The following GPR146 variants were observed in gnomAD, a reference collection of about 807,000 sequenced individuals.
GPR146 encodes G-protein coupled receptor 146.
For synonymous variants in GPR146, 203 were observed against 104.3 expected (o/e 1.95, Z -5.77); for missense variants, 381 against 213.9 (o/e 1.78, Z -4.87).
chr7:1,055,101 C>T (rs878856709), intron 1 of GPR146, among the ~76,000 whole-genome samples: 6 of 152,326 alleles, frequency 3.9e-5, no homozygotes, highest in Admixed American at 6.5e-5. Context: ...GCAGAGGCCA[C>T]GGCCTCCATG....
At chr7:1,057,312 C>T (rs974323749) in intron 1 of GPR146, among the ~76,000 whole-genome samples, 180 bp from the exon 2 acceptor site, 5 of 152,160 alleles carry the variant, frequency 3.3e-5, no homozygotes, top group African/African-American at 9.7e-5. Context: ...CCGGTCACGA[C>T]CCGAGACGGC....
intron 1 of GPR146, among the ~76,000 whole-genome samples, chr7:1,044,937 C>G (rs535012844): frequency 6.6e-6 from 1 of 152,376 alleles, no homozygotes; most frequent in South Asian, 2.1e-4. Flanking sequence ...GGCACAGCGC[C>G]GCCACCGGCT....
At chr7:1,053,744 T>G (rs1014511809) in intron 1 of GPR146, among the ~76,000 whole-genome samples, 1 of 152,150 alleles carries the variant, frequency 6.6e-6, no homozygotes, top group African/African-American at 2.4e-5. Flanking sequence ...GGAGAATCGC[T>G]TGAACCCGGG....
In GPR146 at chr7:1,059,257, A is replaced by G. The variant is rs1310646570; in HGVS notation, c.*740A>G. On this transcript the variant is annotated 3_prime_UTR_variant, in exon 2 of 2. Transcript: ENST00000444847. ...TAAAGAATATAAATAAACAAAAGAA[A>G]GGTGTGTTAGGATTTCTGACTGAAT... is the stretch of plus-strand genomic sequence containing the variant. The G allele has an allele frequency of 6.0e-6, 1 of 166,576 alleles. No homozygotes were observed. Among genetic ancestry groups the G allele is most frequent in the Non-Finnish European group, 1.5e-5 (1 of 68,166 alleles). 10.3% of individuals were successfully genotyped at this position (166,576 alleles called of 1,614,324 possible).
intron 1 of GPR146, among the ~76,000 whole-genome samples, chr7:1,056,990 G>A (rs1378688774): frequency 2.0e-5 from 3 of 152,088 alleles, no homozygotes; most frequent in Non-Finnish European, 4.4e-5. Context: ...CGACCCACAG[G>A]TCACCCTCCC....
rs949503009 is a variant in GPR146, at chr7:1,059,231, C to T, written c.*714C>T. 6.0e-6 allele frequency: 1 copy of T among 167,040 alleles called. No homozygotes were observed. Among genetic ancestry groups the T allele is most frequent in the African/African-American group, 2.4e-5 (1 of 41,454 alleles). The allele number at this position is 167,040 out of a possible 1,614,324, so 10.3% of individuals were successfully genotyped here. ...TCAATTCCTCAAAGTGTGCACAAAA[C>T]TAAAGAATATAAATAAACAAAAGAA... On this transcript the variant is annotated 3_prime_UTR_variant, in exon 2 of 2. Transcript: ENST00000444847.
At position 1,057,521 on chromosome 7, in the gene GPR146, G is replaced by C; in HGVS notation, c.6G>C (p.Trp2Cys). 1 of 769,040 alleles carries C rather than the reference G, an allele frequency of 1.3e-6. No homozygotes were observed. Among genetic ancestry groups the C allele is most frequent in the African/African-American group, 1.7e-5 (1 of 59,188 alleles). 47.6% of individuals were successfully genotyped at this position (769,040 alleles called of 1,614,324 possible). A position where few individuals can be genotyped will look rare whatever the true frequency, so the allele number is the denominator to read the frequency against. Residue 2 changes from tryptophan (W) to cysteine (C), a missense_variant, in exon 2 of 2, where the codon TGG becomes TGC. Trp to Cys is a radical substitution (Grantham distance 215). Coordinates refer to ENST00000444847, the MANE Select transcript of GPR146 (RefSeq NM_001303473.2). The part of the protein sequence containing the change: M[W>C]SCSWFNGTGL... ...GCGGAGCCTCGCCGGCCGCCATGTG[G>C]AGCTGCAGCTGGTTCAACGGCACAG... is the stretch of plus-strand genomic sequence containing the variant.
rs758366243 is a variant in GPR146 at position 1,058,000 on chromosome 7, C to G, written c.485C>G (p.Ser162Trp). The G allele has an allele frequency of 5.2e-6, 4 of 770,140 alleles. No homozygotes were observed. The South Asian group carries it at 5.4e-5, about 10-fold the overall frequency. 47.7% of individuals were successfully genotyped at this position (770,140 alleles called of 1,614,324 possible). A position where few individuals can be genotyped will look rare whatever the true frequency, so the allele number is the denominator to read the frequency against. Residue 162 changes from serine (S) to tryptophan (W), a missense_variant, in exon 2 of 2, where the codon TCG becomes TGG. Physicochemically the swap from Ser to Trp is radical, Grantham distance 177. Transcript: ENST00000444847. ...GGCGCGCTGCTGACCAGCTTCTCCT[C>G]GCTGCTCTTCTACATCTGCAGCCAT... ...WGGALLTSFS[S>W]LLFYICSHVS... is the part of the protein sequence containing the mutation.
At position 1,057,106 on chromosome 7, in the gene GPR146, G is replaced by A. The variant is rs541191803; in HGVS notation, c.-24-386G>A. 9.2e-4 allele frequency among the ~76,000 whole-genome samples: 140 copies of A among 152,192 alleles called. 6 individuals carry two copies. In the South Asian group the frequency reaches 0.026, roughly 28 times the overall value. The stretch of plus-strand genomic sequence containing the variant: ...GTCCACATTGCCTGTCCCTCCCGGC[G>A]CTGGCAAGATGCGAACACCACAGAC... On this transcript the variant is annotated intron_variant, in intron 1 of 1. Coordinates refer to ENST00000444847, the MANE Select transcript of GPR146 (RefSeq NM_001303473.2).
In GPR146 at chr7:1,054,135, C is replaced by T. The variant is rs888801790; in HGVS notation, c.-24-3357C>T. ...ACGTCCCCCAGAGCCCACGGAGCAGCCCGCCCCAGCTGCCTTCCCTCCCAA... is the reference window on the plus strand; with the variant it reads ...ACGTCCCCCAGAGCCCACGGAGCAGTCCGCCCCAGCTGCCTTCCCTCCCAA... On this transcript the variant is annotated intron_variant, in intron 1 of 1. Transcript: ENST00000444847. Among the ~76,000 whole-genome samples the T allele has an allele frequency of 5.3e-5, 8 of 152,340 alleles. No homozygotes were observed. The East Asian group carries it at 1.5e-3, about 29-fold the overall frequency.
At chr7:1,049,947 C>G (rs1359272379) in intron 1 of GPR146, among the ~76,000 whole-genome samples, 1 of 152,158 alleles carries the variant, frequency 6.6e-6, no homozygotes, top group Non-Finnish European at 1.5e-5. Context: ...AGCCAGCAGC[C>G]ACCCCACCCC....
At chr7:1,057,118 C>T (rs983650673) in intron 1 of GPR146, among the ~76,000 whole-genome samples, 3 of 152,182 alleles carry the variant, frequency 2.0e-5, no homozygotes, top group Middle Eastern at 3.4e-3. Flanking sequence ...TGGCAAGATG[C>T]GAACACCACA....
chr7:1,056,717 A>G (rs1325164602), intron 1 of GPR146: 1 of 152,152 alleles, frequency 6.6e-6, no homozygotes, highest in African/African-American at 2.4e-5. Flanking sequence ...GCCTCCGGGC[A>G]TGGGAACGAT....
chr7:1,059,233 A>G lies in GPR146; in HGVS notation c.*716A>G, dbSNP rs1418490374. 6.0e-6 allele frequency: 1 copy of G among 167,072 alleles called. No homozygotes were observed. Among genetic ancestry groups the G allele is most frequent in the Non-Finnish European group, 1.5e-5 (1 of 68,254 alleles). The allele number at this position is 167,072 out of a possible 1,614,324, so 10.3% of individuals were successfully genotyped here. On this transcript the variant is annotated 3_prime_UTR_variant, in exon 2 of 2. Coordinates refer to ENST00000444847, the MANE Select transcript of GPR146 (RefSeq NM_001303473.2). ...AATTCCTCAAAGTGTGCACAAAACT[A>G]AAGAATATAAATAAACAAAAGAAAG...
At chr7:1,055,190 C>T (rs145851628) in intron 1 of GPR146, 12 of 467,638 alleles carry the variant, frequency 2.6e-5, no homozygotes, top group Middle Eastern at 4.1e-4. Flanking sequence ...CACGGCCCCT[C>T]GTTTCTGGAA....
chr7:1,054,146 T>C (rs1783472023), intron 1 of GPR146, among the ~76,000 whole-genome samples: 1 of 152,218 alleles, frequency 6.6e-6, no homozygotes, highest in Non-Finnish European at 1.5e-5. Context: ...CCGCCCCAGC[T>C]GCCTTCCCTC....
intron 1 of GPR146, among the ~76,000 whole-genome samples, chr7:1,053,442 G>A (rs184345001): frequency 6.6e-6 from 1 of 152,356 alleles, no homozygotes; most frequent in East Asian, 1.9e-4. Context: ...AGTCTCCTGT[G>A]ACCAGGAGAG....
intron 1 of GPR146, among the ~76,000 whole-genome samples, chr7:1,048,502 T>A (rs1180160377): frequency 6.6e-6 from 1 of 152,010 alleles, no homozygotes; most frequent in Non-Finnish European, 1.5e-5. Context: ...ATCCCCACAC[T>A]CAGGCCCCCT....
rs1298966105 is a variant in GPR146, at chr7:1,057,740, G to A, written c.225G>A (p.Val75=). The A allele has an allele frequency of 3.9e-6, 3 of 775,310 alleles. No individual in the cohort carries two copies. Among genetic ancestry groups the A allele is most frequent in the Non-Finnish European group, 7.2e-6 (3 of 417,636 alleles). 48.0% of individuals were successfully genotyped at this position (775,310 alleles called of 1,614,324 possible). ...TCAACATGGCAGTGGCAGGCCTGGT[G>A]CTCAGCGCCCTGGCCCCTGTGCACC... ...YFVNMAVAGL[V]LSALAPVHLL... is the part of the protein sequence containing the mutation. The change falls in exon 2 of 2, where the codon GTG becomes GTA. Residue 75 remains valine (V), a synonymous_variant. Coordinates refer to ENST00000444847, the MANE Select transcript of GPR146 (RefSeq NM_001303473.2).
Sources: allele counts gnomAD v4.1 joint callset (sites outside exome capture counted in the v4.1 genomes callset), GRCh38; gene constraint gnomAD v4.1.1; transcripts MANE v1.5; gene names NCBI Gene and HGNC (gene_info 2026-07-23, HGNC 2026-07-21).